PNPT1: variants seen among roughly 807,000 people sequenced by gnomAD.
The protein encoded by PNPT1 is polyribonucleotide nucleotidyltransferase 1, also known as polyribonucleotide nucleotidyltransferase 1, mitochondrial.
PNPT1 carries 53 observed loss-of-function variants against 119.5 expected under a neutral mutation model. That is an observed-to-expected ratio of 0.44 (90% confidence interval 0.36 to 0.56). The LOEUF (loss-of-function observed/expected upper bound fraction) is 0.56, where lower values mean the gene tolerates loss of function less well. PNPT1 is among the 20% of genes least tolerant of loss of function. The pLI is 0.00. For synonymous variants in PNPT1, 357 were observed against 322.1 expected (o/e 1.11, Z -1.16); for missense variants, 948 against 938.5 (o/e 1.01, Z -0.13).
intron 26 of PNPT1, among the ~76,000 whole-genome samples, chr2:55,639,705 C>A (rs901093141): frequency 6.6e-6 from 1 of 152,040 alleles, no homozygotes; most frequent in East Asian, 1.9e-4. Context: ...TATCTCTTAA[C>A]CTTATTGAAA....
intron 23 of PNPT1, among the ~76,000 whole-genome samples, chr2:55,644,103 C>T (rs986317810): frequency 2.0e-5 from 3 of 152,118 alleles, no homozygotes; most frequent in Admixed American, 1.3e-4. Context: ...CTTACTCTTA[C>T]GAGGGGTGAA....
chr2:55,644,941 G>A lies in PNPT1; in HGVS notation c.1823-221C>T, dbSNP rs113277272. 4,348 of 386,628 alleles carry A rather than the reference G, an allele frequency of 0.011. 167 individuals are homozygous for A. The highest frequency in any genetic ancestry group is 0.082 in the African/African-American group (3,914 of 47,930). The allele number at this position is 386,628 out of a possible 1,614,324, so 23.9% of individuals were successfully genotyped here. ...CTACAAAAGTATTTAAAATATTTTC[G>A]TTTTGTGCACTGGGTAAAAACAATT... On this transcript the variant is annotated intron_variant, in intron 22 of 27. Coordinates refer to ENST00000447944, the MANE Select transcript of PNPT1 (RefSeq NM_033109.5).
At chr2:55,661,482 A>C (rs1251755579) in intron 14 of PNPT1, among the ~76,000 whole-genome samples, 1 of 152,114 alleles carries the variant, frequency 6.6e-6, no homozygotes, top group East Asian at 1.9e-4. Flanking sequence ...TTTACTGTTG[A>C]CTTTTTAGGG....
chr2:55,656,883 C>G (rs1696404383), intron 15 of PNPT1, among the ~76,000 whole-genome samples: 1 of 152,164 alleles, frequency 6.6e-6, no homozygotes, highest in South Asian at 2.1e-4. Flanking sequence ...AAGCAAAACA[C>G]AATGACAAAA....
Position 55,667,868 on chromosome 2 carries a change from T to A in PNPT1, c.1067A>T (p.Tyr356Phe), listed in dbSNP as rs1435471989. ...EVFRSIVLNE[Y>F]KRCDGRDLTS... Reference sequence around the variant, plus strand: ...CAAAAAAGGGTATGTTTACCTTTTGTATTCATTCAAAACAATACTTCTAAA... The same window carrying A: ...CAAAAAAGGGTATGTTTACCTTTTGAATTCATTCAAAACAATACTTCTAAA... The change falls in exon 12 of 28, where the codon TAC (tyrosine) becomes TTC (phenylalanine). Residue 356 changes from tyrosine to phenylalanine, a missense_variant. Physicochemically the swap from Tyr to Phe is conservative, Grantham distance 22. Coordinates refer to ENST00000447944, the MANE Select transcript of PNPT1 (RefSeq NM_033109.5). 2 of 1,599,798 alleles carry A rather than the reference T, an allele frequency of 1.3e-6. No homozygotes were observed. The highest frequency in any genetic ancestry group is 1.7e-6 in the Non-Finnish European group (2 of 1,176,164).
intron 1 of PNPT1, among the ~76,000 whole-genome samples, chr2:55,690,653 T>C (rs570329956): frequency 6.6e-6 from 1 of 152,344 alleles, no homozygotes; most frequent in African/African-American, 2.4e-5. Flanking sequence ...TGTTAATAAA[T>C]ACAATGATTT....
At chr2:55,675,938 T>TA (rs1353456525) in intron 8 of PNPT1, among the ~76,000 whole-genome samples, 4 of 152,116 alleles carry the variant, frequency 2.6e-5, no homozygotes, top group African/African-American at 9.7e-5. Flanking sequence ...CTATCGATGC[T>TA]AAAAATTTAA....
intron 18 of PNPT1, among the ~76,000 whole-genome samples, chr2:55,653,722 C>T (rs1696285876): frequency 6.6e-6 from 1 of 152,162 alleles, no homozygotes; most frequent in South Asian, 2.1e-4. Flanking sequence ...GTACCTTTTG[C>T]ATTTTTTGCT....
chr2:55,673,664 G>A (rs557613817), intron 8 of PNPT1, among the ~76,000 whole-genome samples: 44 of 152,196 alleles, frequency 2.9e-4, no homozygotes, highest in African/African-American at 1.1e-3. Context: ...TAGCCAGGAT[G>A]GTCTCAATCT....
intron 10 of PNPT1, among the ~76,000 whole-genome samples, 189 bp downstream of exon 10, chr2:55,671,806 G>C (rs1218550794): frequency 6.6e-6 from 1 of 152,188 alleles, no homozygotes; most frequent in Non-Finnish European, 1.5e-5. Flanking sequence ...CAGCCTGGGC[G>C]ACAGAGAGAG....
chr2:55,641,551 A>G (rs1419203556), intron 25 of PNPT1, among the ~76,000 whole-genome samples: 1 of 152,170 alleles, frequency 6.6e-6, no homozygotes, highest in Non-Finnish European at 1.5e-5. Context: ...ATCTCATATG[A>G]TTAACCTGTA....
chr2:55,679,185 A>G (rs550403157), intron 8 of PNPT1, among the ~76,000 whole-genome samples: 100 of 152,316 alleles, frequency 6.6e-4, no homozygotes, highest in African/African-American at 2.3e-3. Context: ...GCCCATGGTC[A>G]ATGCATTTCT....
At chr2:55,657,117 T>A (rs2627766) in intron 15 of PNPT1, among the ~76,000 whole-genome samples, 73,245 of 151,882 alleles carry the variant, frequency 0.48, 18,792 homozygotes, top group Non-Finnish European at 0.57. Flanking sequence ...TCACTTGAGC[T>A]CAGGAGTTTG....
intron 18 of PNPT1, among the ~76,000 whole-genome samples, chr2:55,650,997 G>A (rs1477066036): frequency 2.1e-5 from 3 of 145,354 alleles, no homozygotes; most frequent in African/African-American, 5.1e-5. Flanking sequence ...GGTGAGGGGC[G>A]CCTCTGCCCG....
chr2:55,638,217 G>A (rs1369917223), intron 26 of PNPT1, among the ~76,000 whole-genome samples: 1 of 151,360 alleles, frequency 6.6e-6, no homozygotes, highest in Non-Finnish European at 1.5e-5. Context: ...CAGGAGAATT[G>A]CCTGAATCTG....
At position 55,636,222 on chromosome 2, in the gene PNPT1, C is replaced by A; in HGVS notation, c.*15G>T. On this transcript the variant is annotated 3_prime_UTR_variant, in exon 28 of 28. Coordinates refer to ENST00000447944, the MANE Select transcript of PNPT1 (RefSeq NM_033109.5). ...AGACAAAATAGAATTCTAGAATTCT[C>A]TTTAAAAAAAAAAATCACTGAGAAT... 1 of 1,541,632 alleles carries A rather than the reference C, an allele frequency of 6.5e-7. No homozygotes were observed. The highest frequency in any genetic ancestry group is 1.1e-5 in the South Asian group (1 of 88,346).
At chr2:55,662,863 G>A (rs1696619907) in intron 13 of PNPT1, among the ~76,000 whole-genome samples, 1 of 150,584 alleles carries the variant, frequency 6.6e-6, no homozygotes, top group Non-Finnish European at 1.5e-5. Context: ...TTAAGATGGT[G>A]GATTAGCAGA....
At chr2:55,668,049 C>G (rs1003097253) in intron 11 of PNPT1, 91 bp from the exon 12 acceptor site, 65 of 1,095,268 alleles carry the variant, frequency 5.9e-5, no homozygotes, top group Non-Finnish European at 8.1e-5. Context: ...CAACTAACTA[C>G]GGGAATCAAC....
rs1572793903 is a variant in PNPT1, at chr2:55,640,813, A to G, written c.2070-108T>C. 6 of 717,784 alleles carry G rather than the reference A, an allele frequency of 8.4e-6. No individual in the cohort carries two copies. In the East Asian group the frequency reaches 1.6e-4, roughly 19 times the overall value. 44.5% of individuals were successfully genotyped at this position (717,784 alleles called of 1,614,324 possible). A position where few individuals can be genotyped will look rare whatever the true frequency, so the allele number is the denominator to read the frequency against. ...AGGAAAAAGTAAAAAACGAAAAGAA[A>G]CAATTCTAGCACGTTTTTAGAACTA... On this transcript the variant is annotated intron_variant, in intron 25 of 27. Coordinates refer to ENST00000447944, the MANE Select transcript of PNPT1 (RefSeq NM_033109.5).
Sources: allele counts gnomAD v4.1 joint callset (sites outside exome capture counted in the v4.1 genomes callset), GRCh38; gene constraint gnomAD v4.1.1; transcripts MANE v1.5; gene names NCBI Gene and HGNC (gene_info 2026-07-23, HGNC 2026-07-21).